The following SLX4 variants were observed in gnomAD, a reference collection of about 807,000 sequenced individuals.
The protein encoded by SLX4 is structure-specific endonuclease subunit SLX4.
A neutral mutation model predicts 146.2 loss-of-function variants in SLX4; 112 were observed. The ratio of observed to expected loss-of-function variants is 0.77; its 90% CI spans 0.66 to 0.90. The LOEUF (loss-of-function observed/expected upper bound fraction) is 0.90, where lower values mean the gene tolerates loss of function less well. SLX4 is among the 40% of genes least tolerant of loss of function. SLX4 has a pLI of 0.00. For synonymous variants in SLX4, 1,061 were observed against 997.7 expected (o/e 1.06, Z -1.20); for missense variants, 2,563 against 2,392.7 (o/e 1.07, Z -1.49).
chr16:3,608,146 C>A (rs545695340), intron 2 of SLX4, among the ~76,000 whole-genome samples: 1 of 152,320 alleles, frequency 6.6e-6, no homozygotes, highest in East Asian at 1.9e-4. Flanking sequence ...ATAGTGAGAC[C>A]TCCAGCTCTA....
At position 3,594,429 on chromosome 16, in the gene SLX4, G is replaced by A. The variant is rs114392599; in HGVS notation, c.2160+24C>T. Reference sequence around the variant, plus strand: ...AGAGAGGGAGAGAGAGGAAAGGAGGGCACACGGCAGCCCACGTACTTACAT... The same window carrying A: ...AGAGAGGGAGAGAGAGGAAAGGAGGACACACGGCAGCCCACGTACTTACAT... On this transcript the variant is annotated intron_variant, in intron 10 of 14. Coordinates refer to ENST00000294008, the MANE Select transcript of SLX4 (RefSeq NM_032444.4). 1.2e-5 allele frequency: 20 copies of A among 1,603,238 alleles called. No homozygotes were observed. The African/African-American group carries it at 1.9e-4, about 15-fold the overall frequency.
At chr16:3,591,883 G>A (rs979404753) in intron 11 of SLX4, among the ~76,000 whole-genome samples, 1 of 152,124 alleles carries the variant, frequency 6.6e-6, no homozygotes, top group Non-Finnish European at 1.5e-5. Context: ...GGTCATGCAT[G>A]GTGGCTCATG....
intron 2 of SLX4, among the ~76,000 whole-genome samples, chr16:3,607,313 C>G (rs2040797824): frequency 6.6e-6 from 1 of 152,098 alleles, no homozygotes; most frequent in Admixed American, 6.6e-5. Flanking sequence ...TTCCAGTAGT[C>G]TATGCGACCT....
chr16:3,583,921 C>G (rs942813803), intron 13 of SLX4, among the ~76,000 whole-genome samples: 5 of 151,936 alleles, frequency 3.3e-5, no homozygotes, highest in Non-Finnish European at 7.4e-5. Flanking sequence ...ATCGCTTAAG[C>G]CCGGGAGGCT....
At position 3,582,218 on chromosome 16, in the gene SLX4, G is replaced by A. The variant is rs1296855957; in HGVS notation, c.*124C>T. 3 of 756,030 alleles carry A rather than the reference G, an allele frequency of 4.0e-6. No individual in the cohort carries two copies. The highest frequency in any genetic ancestry group is 2.1e-5 in the Admixed American group (1 of 46,804). The allele number at this position is 756,030 out of a possible 1,614,324, so 46.8% of individuals were successfully genotyped here. A position where few individuals can be genotyped will look rare whatever the true frequency, so the allele number is the denominator to read the frequency against. ...GTCATCATCACAGCGCAGAGCTGAT[G>A]TGGTCCCCAGGCCCAGAAATGCCTG... On this transcript the variant is annotated 3_prime_UTR_variant, in exon 15 of 15. Coordinates refer to ENST00000294008, the MANE Select transcript of SLX4 (RefSeq NM_032444.4).
intron 4 of SLX4, chr16:3,601,817 G>A (rs769612620): frequency 9.9e-6 from 4 of 402,150 alleles, no homozygotes; most frequent in Non-Finnish European, 1.9e-5. Context: ...GCAATAGGGA[G>A]TGGCTGCCAA....
chr16:3,596,926 G>A (rs1431041891), intron 7 of SLX4, among the ~76,000 whole-genome samples: 5 of 151,796 alleles, frequency 3.3e-5, no homozygotes, highest in Non-Finnish European at 7.4e-5. Flanking sequence ...CGGTTCAAGC[G>A]ATTCTTCTGC....
chr16:3,585,382 C>T (rs528634851), intron 12 of SLX4, among the ~76,000 whole-genome samples: 103 of 152,134 alleles, frequency 6.8e-4, no homozygotes, highest in African/African-American at 2.3e-3. Flanking sequence ...GTCAGGAGAT[C>T]GAGACCATCC....
At position 3,604,216 on chromosome 16, in the gene SLX4, CAA is replaced by C. The variant is rs1215741550; in HGVS notation, c.761-1911_761-1910del. Among the ~76,000 whole-genome samples, 359 of 63,722 alleles carry C rather than the reference CAA, an allele frequency of 5.6e-3. 4 individuals are homozygous for C. The highest frequency in any genetic ancestry group is 0.016 in the African/African-American group (304 of 18,542). The allele number at this position is 63,722 out of a possible 152,430, so 41.8% of individuals were successfully genotyped here. A position where few individuals can be genotyped will look rare whatever the true frequency, so the allele number is the denominator to read the frequency against. On this transcript the variant is annotated intron_variant, in intron 3 of 14. Coordinates refer to ENST00000294008, the MANE Select transcript of SLX4 (RefSeq NM_032444.4). ...CACTGCACTCTAGCCAAGCCTCTGT[CAA>C]AAAAAAAAAAAAAAAAAGTCAGTGT...
In SLX4 at chr16:3,582,470, A is replaced by G. The variant is rs759307727; in HGVS notation, c.5377T>C (p.Ser1793Pro). The change falls in exon 15 of 15, where the codon TCC becomes CCC. Residue 1793 changes from serine to proline, a missense_variant. Physicochemically the swap from Ser to Pro is moderately conservative, Grantham distance 74 (BLOSUM62 -1). Transcript: ENST00000294008. ...AELRQNGLRVSSRRLLDFLDT... is the reference protein window; with the variant it reads ...AELRQNGLRVPSRRLLDFLDT... Reference sequence around the variant, plus strand: ...AGGAAGTCCAACAGCCTGCGCGAGGACACACGGAGGCCGTTCTGCCTCAGC... The same window carrying G: ...AGGAAGTCCAACAGCCTGCGCGAGGGCACACGGAGGCCGTTCTGCCTCAGC... The G allele has an allele frequency of 1.2e-6, 2 of 1,613,886 alleles. No homozygotes were observed. The highest frequency in any genetic ancestry group is 1.7e-6 in the Non-Finnish European group (2 of 1,180,026).
intron 10 of SLX4, among the ~76,000 whole-genome samples, chr16:3,593,217 G>A (rs754250981): frequency 1.3e-5 from 2 of 151,996 alleles, no homozygotes; most frequent in South Asian, 2.1e-4. Context: ...GATTGCAGCC[G>A]CCCACCACCA....
intron 12 of SLX4, 71 bp downstream of exon 12, chr16:3,588,931 G>A: frequency 3.1e-6 from 5 of 1,597,250 alleles, no homozygotes; most frequent in Non-Finnish European, 3.4e-6. Flanking sequence ...TCTCATGACT[G>A]ATCTTCCCAC....
intron 5 of SLX4, 128 bp from the exon 6 acceptor site, chr16:3,598,127 C>T (rs563844761): frequency 1.4e-5 from 14 of 1,027,242 alleles, no homozygotes; most frequent in South Asian, 2.6e-5. Context: ...CAGGCAGATG[C>T]GTCCCCCACT....
chr16:3,591,843 A>C (rs2040598475), intron 11 of SLX4, among the ~76,000 whole-genome samples: 1 of 152,100 alleles, frequency 6.6e-6, no homozygotes, highest in Non-Finnish European at 1.5e-5. Context: ...GGGCAACAGC[A>C]AGAGACTCTG....
At chr16:3,599,977 C>T (rs756673747) in intron 5 of SLX4, among the ~76,000 whole-genome samples, 1 of 152,154 alleles carries the variant, frequency 6.6e-6, no homozygotes, top group African/African-American at 2.4e-5. Context: ...TGTCCAACAA[C>T]GAAATGGATG....
At chr16:3,598,944 G>C (rs568442982) in intron 5 of SLX4, among the ~76,000 whole-genome samples, 19 of 152,314 alleles carry the variant, frequency 1.2e-4, no homozygotes, top group Admixed American at 2.6e-4. Flanking sequence ...ATGACCACAG[G>C]CTTGGCCTTT....
intron 13 of SLX4, 146 bp downstream of exon 13, chr16:3,584,623 A>G (rs1452352946): frequency 6.7e-6 from 5 of 745,484 alleles, no homozygotes; most frequent in Admixed American, 3.8e-5. Flanking sequence ...AGCTGACTGC[A>G]GACCTTTCTT....
chr16:3,583,097 C>G lies in SLX4; in HGVS notation c.5153G>C (p.Ser1718Thr), dbSNP rs1238701337. 6.2e-7 allele frequency: 1 copy of G among 1,614,138 alleles called. No individual in the cohort carries two copies. Among genetic ancestry groups the G allele is most frequent in the Admixed American group, 1.7e-5 (1 of 60,012 alleles). Residue 1718 changes from serine to threonine, a missense_variant and splice_region_variant, in exon 14 of 15, where the codon AGT becomes ACT. By Grantham distance (58) the Ser-to-Thr change is moderately conservative (BLOSUM62 1). Transcript: ENST00000294008. Reference protein sequence around the residue: ...DGSDSSLSSQSSSSCEFGAAF... With the variant: ...DGSDSSLSSQTSSSCEFGAAF... ...GACCCCATCGCATCCATCCGGTTACCTCTGTGAGCTCAAGGAGCTGTCACT... is the reference window on the plus strand; with the variant it reads ...GACCCCATCGCATCCATCCGGTTACGTCTGTGAGCTCAAGGAGCTGTCACT...
rs760961572 is a variant in SLX4, at chr16:3,590,675, G to A, written c.2963C>T (p.Ser988Leu). The change falls in exon 12 of 15, where the codon TCA becomes TTA. Residue 988 changes from serine to leucine, a missense_variant. Physicochemically the swap from Ser to Leu is moderately radical, Grantham distance 145 (BLOSUM62 -2). Transcript: ENST00000294008. This position sits in a 1 kb window ranked among gnomAD's most constrained non-coding sequence, Gnocchi z 4.8. ...CTCTGAGATCTCTCCCTGAGTTGAT[G>A]AGAAGAGCTGTTCGTAATCCCCGGC... ...DDAGDYEQLF[S>L]STQGEISEPS... is the part of the protein sequence containing the mutation. 8.1e-6 allele frequency: 13 copies of A among 1,614,198 alleles called. No homozygotes were observed. The South Asian group carries it at 9.9e-5, about 12-fold the overall frequency.
Sources: allele counts gnomAD v4.1 joint callset (sites outside exome capture counted in the v4.1 genomes callset), GRCh38; gene constraint gnomAD v4.1.1; non-coding constraint Gnocchi (gnomAD v3.1); transcripts MANE v1.5; gene names NCBI Gene and HGNC (gene_info 2026-07-23, HGNC 2026-07-21).